The following PLEKHA5 variants were observed in gnomAD, a reference collection of about 807,000 sequenced individuals.
PLEKHA5 encodes the protein pleckstrin homology domain-containing family A member 5.
PLEKHA5 carries 55 observed loss-of-function variants against 181.9 expected under a neutral mutation model. The ratio of observed to expected loss-of-function variants is 0.30; its 90% CI spans 0.24 to 0.38. PLEKHA5 has a LOEUF of 0.38. Among genes scored for constraint, PLEKHA5 ranks in the 10% least tolerant of loss-of-function variants. The pLI, the probability that PLEKHA5 is intolerant of heterozygous loss-of-function variation, is 1.00. For missense variants in PLEKHA5, 1,432 were observed against 1,549.5 expected (o/e 0.92, Z 1.27); for synonymous variants, 535 against 529.4 (o/e 1.01, Z -0.15).
intron 3 of PLEKHA5, among the ~76,000 whole-genome samples, chr12:19,203,291 T>G (rs1188433153): frequency 6.6e-6 from 1 of 152,086 alleles, no homozygotes; most frequent in Admixed American, 6.6e-5. Flanking sequence ...TGTCTGTCTC[T>G]TAGAGTTGAC....
intron 3 of PLEKHA5, among the ~76,000 whole-genome samples, chr12:19,173,051 C>T (rs1235859163): frequency 9.8e-6 from 1 of 102,148 alleles, no homozygotes; most frequent in Non-Finnish European, 1.8e-5. Context: ...GAGTCTCGCT[C>T]TGTCGCCCAG....
At chr12:19,364,702 C>G (rs906120373) in intron 29 of PLEKHA5, among the ~76,000 whole-genome samples, 1 of 151,762 alleles carries the variant, frequency 6.6e-6, no homozygotes, top group Middle Eastern at 3.4e-3. Context: ...CACTCTGTCG[C>G]CCAGGCTGGC....
In PLEKHA5 at chr12:19,350,542, G is replaced by A. The variant is rs567060463; in HGVS notation, c.3019+2023G>A. 2.0e-5 allele frequency among the ~76,000 whole-genome samples: 3 copies of A among 152,294 alleles called. No individual in the cohort carries two copies. The East Asian group carries it at 5.8e-4, about 29-fold the overall frequency. The stretch of plus-strand genomic sequence containing the variant: ...TCCCAGCATTTTGGAAGGCAGAGGC[G>A]GGCGGATCACAAGGTCAGGAGTTCA... On this transcript the variant is annotated intron_variant, in intron 25 of 31. Transcript: ENST00000429027.
intron 3 of PLEKHA5, among the ~76,000 whole-genome samples, chr12:19,234,288 G>T (rs1174083254): frequency 1.3e-5 from 2 of 152,168 alleles, no homozygotes; most frequent in Non-Finnish European, 2.9e-5. Context: ...ATGAGGTTGT[G>T]TTATAATGAT....
At chr12:19,172,976 T>G (rs959752820) in intron 3 of PLEKHA5, among the ~76,000 whole-genome samples, 2 of 145,284 alleles carry the variant, frequency 1.4e-5, no homozygotes, top group Non-Finnish European at 3.1e-5. Context: ...TTTTTTTTTT[T>G]TAAAGAAAAT....
intron 3 of PLEKHA5, among the ~76,000 whole-genome samples, chr12:19,248,912 A>C (rs2152504959): frequency 6.6e-6 from 1 of 152,364 alleles, no homozygotes; most frequent in South Asian, 2.1e-4. Flanking sequence ...TGCAGTTCAT[A>C]ATAATTGTAA....
At chr12:19,307,503 G>T (rs1222027027) in intron 15 of PLEKHA5, 1 of 301,880 alleles carries the variant, frequency 3.3e-6, no homozygotes, top group Non-Finnish European at 6.6e-6. Flanking sequence ...TATGAAAAGA[G>T]TACAAGAAGC....
intron 15 of PLEKHA5, among the ~76,000 whole-genome samples, chr12:19,311,589 G>A (rs531089421): frequency 7.9e-4 from 120 of 152,056 alleles, no homozygotes; most frequent in Non-Finnish European, 1.2e-3. Context: ...TTTATCTCAA[G>A]AAACTACTTT....
intron 3 of PLEKHA5, chr12:19,202,085 A>C (rs1471986917): frequency 1.4e-6 from 1 of 697,778 alleles, no homozygotes. Flanking sequence ...ACCTTTTTCC[A>C]TATTTCTTTA....
chr12:19,334,843 T>A (rs866475929), intron 20 of PLEKHA5, among the ~76,000 whole-genome samples: 5,753 of 33,976 alleles, frequency 0.17, 1,376 homozygotes, highest in Middle Eastern at 0.22. Flanking sequence ...TATATATATA[T>A]ATATATATAT....
chr12:19,134,166 A>G (rs1371510744), intron 3 of PLEKHA5, among the ~76,000 whole-genome samples: 1 of 152,056 alleles, frequency 6.6e-6, no homozygotes, highest in Non-Finnish European at 1.5e-5. Context: ...CTAAGCTGTT[A>G]GGAAGACATT....
chr12:19,235,774 A>G (rs939345157), intron 3 of PLEKHA5, among the ~76,000 whole-genome samples: 1 of 152,178 alleles, frequency 6.6e-6, no homozygotes, highest in Non-Finnish European at 1.5e-5. Context: ...CTCACTTTAA[A>G]TTAAAACATA....
intron 3 of PLEKHA5, among the ~76,000 whole-genome samples, chr12:19,148,920 C>A (rs549859554): frequency 6.6e-6 from 1 of 152,210 alleles, no homozygotes. Flanking sequence ...TTATGAAAGT[C>A]TGGCTGCTAT....
Position 19,246,641 on chromosome 12 carries a change from C to T in PLEKHA5, c.228-7299C>T, listed in dbSNP as rs533634446. On this transcript the variant is annotated intron_variant, in intron 3 of 31. Transcript: ENST00000429027. Reference sequence around the variant, plus strand: ...AAAAAAAAAAAAAAACAATCTAGTACATTTAGTACTGGATTCATTTCTATA... The same window carrying T: ...AAAAAAAAAAAAAAACAATCTAGTATATTTAGTACTGGATTCATTTCTATA... Among the ~76,000 whole-genome samples the T allele has an allele frequency of 3.5e-4, 52 of 148,960 alleles. 2 individuals are homozygous for T. In the South Asian group the frequency reaches 0.011, roughly 32 times the overall value.
chr12:19,323,640 A>G (rs917677187), intron 20 of PLEKHA5, among the ~76,000 whole-genome samples: 1 of 151,882 alleles, frequency 6.6e-6, no homozygotes, highest in Non-Finnish European at 1.5e-5. Context: ...AACATGGTGA[A>G]ACCTCGTCTC....
At chr12:19,224,774 T>C (rs1484052446) in intron 3 of PLEKHA5, among the ~76,000 whole-genome samples, 3 of 152,178 alleles carry the variant, frequency 2.0e-5, no homozygotes, top group African/African-American at 7.2e-5. Flanking sequence ...TTCAAAAGTA[T>C]ATGGCTTTAA....
intron 15 of PLEKHA5, among the ~76,000 whole-genome samples, chr12:19,301,082 G>A (rs963435915): frequency 2.2e-4 from 33 of 152,090 alleles, no homozygotes; most frequent in Admixed American, 1.4e-3. Context: ...CCCAGGAGGC[G>A]GAGGTCATGG....
intron 13 of PLEKHA5, chr12:19,288,172 T>G (rs1202629457): frequency 2.4e-5 from 6 of 246,842 alleles, no homozygotes; most frequent in Admixed American, 1.9e-4. Context: ...TTGCAGTAAT[T>G]CATTAGTGAA....
chr12:19,190,398 G>A (rs2151947516), intron 3 of PLEKHA5, among the ~76,000 whole-genome samples: 2 of 152,210 alleles, frequency 1.3e-5, no homozygotes, highest in Middle Eastern at 3.4e-3. Flanking sequence ...TCAGGTTAAT[G>A]CAAAGCACTG....
Sources: allele counts gnomAD v4.1 joint callset (sites outside exome capture counted in the v4.1 genomes callset), GRCh38; gene constraint gnomAD v4.1.1; transcripts MANE v1.5; gene names NCBI Gene and HGNC (gene_info 2026-07-23, HGNC 2026-07-21).